ERGIC3: variants seen among roughly 807,000 people sequenced by gnomAD.
ERGIC3 encodes the protein endoplasmic reticulum-Golgi intermediate compartment protein 3.
A neutral mutation model predicts 54.7 loss-of-function variants in ERGIC3; 33 were observed. The ratio of observed to expected loss-of-function variants is 0.60; its 90% CI spans 0.46 to 0.81. The LOEUF is 0.81. Ranked by LOEUF, ERGIC3 falls within the 30% of genes least tolerant of loss-of-function variation. ERGIC3 has a pLI of 0.00. For missense variants in ERGIC3, 399 were observed against 488.4 expected, an observed-to-expected ratio of 0.82 and a Z score of 1.73; for synonymous variants, 186 against 189.8, an observed-to-expected ratio of 0.98 and a Z score of 0.16.
intron 12 of ERGIC3, 62 bp downstream of exon 12, chr20:35,557,311 G>C: frequency 1.2e-6 from 2 of 1,612,038 alleles, no homozygotes; most frequent in Non-Finnish European, 1.7e-6. Context: ...GGTGCCCCAG[G>C]TTTGGTTGGG....
chr20:35,556,763 CTT>C lies in ERGIC3; in HGVS notation c.880-209_880-208del, dbSNP rs2064715165. The stretch of plus-strand genomic sequence containing the variant: ...TGCCAGGATAGGTAAACTGTAAAGA[CTT>C]GGCACCTGGAGGGGAAGGCTGAGGC... On this transcript the variant is annotated intron_variant, in intron 10 of 12. Transcript: ENST00000348547. The C allele has an allele frequency of 4.6e-6, 3 of 656,908 alleles. No individual in the cohort carries two copies. The South Asian group carries it at 5.7e-5, about 13-fold the overall frequency. The allele number at this position is 656,908 out of a possible 1,614,324, so 40.7% of individuals were successfully genotyped here. A position where few individuals can be genotyped will look rare whatever the true frequency, so the allele number is the denominator to read the frequency against.
chr20:35,554,238 T>G, intron 7 of ERGIC3: 1 of 1,196,358 alleles, frequency 8.4e-7, no homozygotes, highest in African/African-American at 1.5e-5. Flanking sequence ...AGAAGGAGGC[T>G]TGTTAGCTGG....
chr20:35,551,183 A>G (rs2064679923), intron 7 of ERGIC3, among the ~76,000 whole-genome samples: 1 of 151,990 alleles, frequency 6.6e-6, no homozygotes, highest in African/African-American at 2.4e-5. Flanking sequence ...AGTCCCAGCT[A>G]CTCGGGAGGC....
chr20:35,547,501 AT>A lies in ERGIC3; in HGVS notation c.458del (p.Ile153ThrfsTer90). The stretch of plus-strand genomic sequence containing the variant: ...CTGCTATGGTGCTGAGGCAGAAGAT[AT>A]CAAGTGAGCTGGCGGGGAGCGGGAG... ...ESCYGAEAED[I>X]KCCNTCEDVR... On this transcript the variant is annotated frameshift_variant, in exon 5 of 13. Transcript: ENST00000348547. LOFTEE classifies it high-confidence loss of function. The A allele has an allele frequency of 6.2e-7, 1 of 1,613,908 alleles. No homozygotes were observed.
intron 4 of ERGIC3, chr20:35,544,625 C>T (rs2064637732): frequency 4.2e-6 from 1 of 239,944 alleles, no homozygotes; most frequent in Admixed American, 4.3e-5. Context: ...GGATCATGTC[C>T]CACATGAATT....
chr20:35,555,152 C>A, intron 8 of ERGIC3, 77 bp downstream of exon 8: 2 of 1,536,112 alleles, frequency 1.3e-6, no homozygotes, highest in Admixed American at 1.7e-5. Context: ...CTTGTAGGAA[C>A]ATCCTGGGAT....
chr20:35,543,162 G>C (rs2064627427), intron 4 of ERGIC3: 1 of 514,448 alleles, frequency 1.9e-6, no homozygotes, highest in Non-Finnish European at 3.5e-6. Context: ...TATTCTCAGA[G>C]GTCCTCAATA....
At chr20:35,554,358 C>T (rs753459063) in intron 7 of ERGIC3, 6 of 1,614,126 alleles carry the variant, frequency 3.7e-6, no homozygotes, top group Non-Finnish European at 5.1e-6. Flanking sequence ...TCTCCTCCCT[C>T]CCCCATGCTG....
chr20:35,542,761 A>C (rs1292051994), intron 3 of ERGIC3, 61 bp from the exon 4 acceptor site: 1 of 1,613,294 alleles, frequency 6.2e-7, no homozygotes, highest in Non-Finnish European at 8.5e-7. Flanking sequence ...CTTCCCCTCC[A>C]AAACCCACAT....
At chr20:35,552,905 G>A (rs1172293622) in intron 7 of ERGIC3, among the ~76,000 whole-genome samples, 3 of 151,950 alleles carry the variant, frequency 2.0e-5, no homozygotes, top group Non-Finnish European at 4.4e-5. Flanking sequence ...AGAGTGACAG[G>A]CAGTTGCCCA....
chr20:35,542,679 G>A, intron 3 of ERGIC3, 79 bp downstream of exon 3: 1 of 1,601,276 alleles, frequency 6.2e-7, no homozygotes, highest in Non-Finnish European at 8.6e-7. Flanking sequence ...TCCACCCTTA[G>A]GTTCTGGACT....
intron 10 of ERGIC3, 35 bp downstream of exon 10, chr20:35,556,306 G>A (rs375903769): frequency 3.3e-5 from 53 of 1,608,532 alleles, no homozygotes; most frequent in South Asian, 6.6e-5. Flanking sequence ...AGTCTCCTGC[G>A]CGGTGCCAAG....
chr20:35,547,646 T>C, intron 5 of ERGIC3, 141 bp downstream of exon 5: 1 of 699,530 alleles, frequency 1.4e-6, no homozygotes, highest in Non-Finnish European at 2.5e-6. Flanking sequence ...TCATTGATCC[T>C]GGTGCAAGCG....
Position 35,553,020 on chromosome 20 carries a change from A to ATTTTTTTTTTTTTTTTTTTT in ERGIC3, c.686-2015_686-1996dup, listed in dbSNP as rs141438822. The stretch of plus-strand genomic sequence containing the variant: ...TTTGCCCTGAGCTTCAAAGCTGGGG[A>ATTTTTTTTTTTTTTTTTTTT]TTTTTTTTTTTTTTTTTTTTTTTTT... On this transcript the variant is annotated intron_variant, in intron 7 of 12. Transcript: ENST00000348547. Among the ~76,000 whole-genome samples the ATTTTTTTTTTTTTTTTTTTT allele has an allele frequency of 4.5e-3, 188 of 41,564 alleles. 74 individuals carry two copies. The highest frequency in any genetic ancestry group is 6.0e-3 in the Non-Finnish European group (138 of 22,886). 27.3% of individuals were successfully genotyped at this position (41,564 alleles called of 152,430 possible).
At chr20:35,557,155 A>T in intron 11 of ERGIC3, 39 bp from the exon 12 acceptor site, 2 of 1,614,130 alleles carry the variant, frequency 1.2e-6, no homozygotes, top group Admixed American at 3.3e-5. Flanking sequence ...GGCCTGAGGG[A>T]GGAGGATGCC....
chr20:35,555,121 C>T, intron 8 of ERGIC3, 46 bp downstream of exon 8: 1 of 1,604,418 alleles, frequency 6.2e-7, no homozygotes, highest in Non-Finnish European at 8.5e-7. Flanking sequence ...GGGTGGGAGG[C>T]TTGGTTGCTG....
intron 7 of ERGIC3, 89 bp downstream of exon 7, chr20:35,548,954 G>A: frequency 6.6e-7 from 1 of 1,508,716 alleles, no homozygotes; most frequent in Non-Finnish European, 9.2e-7. Context: ...CTGCTCATTT[G>A]TCTTGGGCAA....
chr20:35,553,600 G>A (rs1390342863), intron 7 of ERGIC3, among the ~76,000 whole-genome samples: 1 of 152,004 alleles, frequency 6.6e-6, no homozygotes, highest in African/African-American at 2.4e-5. Flanking sequence ...AGGAAGAAAG[G>A]GCCCCCTGGA....
Position 35,542,534 on chromosome 20 carries a change from G to A in ERGIC3, c.181G>A (p.Asp61Asn). 1.2e-6 allele frequency: 2 copies of A among 1,614,014 alleles called. No individual in the cohort carries two copies. Among genetic ancestry groups the A allele is most frequent in the Non-Finnish European group, 1.7e-6 (2 of 1,180,022 alleles). The change falls in exon 3 of 13, where the codon GAC (aspartate) becomes AAC (asparagine). Residue 61 changes from aspartate (D) to asparagine (N), a missense_variant. Asp to Asn is a conservative substitution (Grantham distance 23). Transcript: ENST00000348547. ...TTEVHPELYV[D>N]KSRGDKLKIN... ...CCAGGTGCATCCTGAGCTCTACGTG[G>A]ACAAGTCGCGGGGAGATAAACTGAA...
Sources: allele counts gnomAD v4.1 joint callset (sites outside exome capture counted in the v4.1 genomes callset), GRCh38; gene constraint gnomAD v4.1.1; transcripts MANE v1.5; gene names NCBI Gene and HGNC (gene_info 2026-07-23, HGNC 2026-07-21).